SKIC3: variants seen among roughly 807,000 people sequenced by gnomAD.
SKIC3 encodes SKI3 subunit of superkiller complex, also known as superkiller complex protein 3.
the SKIC3 span, among the ~76,000 whole-genome samples, chr5:95,497,114 T>C: frequency 4.6e-5 from 7 of 152,230 alleles, no homozygotes; most frequent in Non-Finnish European, 8.8e-5. Flanking sequence ...AGTGTTACAT[T>C]ACTTTATCAC....
the SKIC3 span, chr5:95,541,718 T>C: frequency 1.2e-6 from 1 of 848,306 alleles, no homozygotes; most frequent in Non-Finnish European, 1.8e-6. Context: ...AGCTTCGCAA[T>C]TCCCAGTAAA....
the SKIC3 span, among the ~76,000 whole-genome samples, chr5:95,501,164 G>A: frequency 1.3e-5 from 2 of 151,872 alleles, no homozygotes; most frequent in Non-Finnish European, 2.9e-5. Flanking sequence ...ACAAAAAAAA[G>A]GAATTCTACT....
the SKIC3 span, among the ~76,000 whole-genome samples, chr5:95,539,438 T>TA: frequency 1.3e-5 from 2 of 151,582 alleles, no homozygotes; most frequent in Admixed American, 6.6e-5. Flanking sequence ...AATCAAAAAA[T>TA]AAAAAAAATA....
the SKIC3 span, among the ~76,000 whole-genome samples, chr5:95,506,259 C>T: frequency 9.8e-5 from 15 of 152,300 alleles, no homozygotes; most frequent in African/African-American, 3.6e-4. Flanking sequence ...TACCTAAGGT[C>T]TGCCAGGTAG....
chr5:95,511,386 C>T, the SKIC3 span, among the ~76,000 whole-genome samples: 1 of 152,196 alleles, frequency 6.6e-6, no homozygotes, highest in African/African-American at 2.4e-5. Flanking sequence ...GCACTCTAGC[C>T]TGGGTGACAG....
the SKIC3 span, chr5:95,514,877 T>G: frequency 6.2e-7 from 1 of 1,612,420 alleles, no homozygotes; most frequent in Non-Finnish European, 8.5e-7. Context: ...GCACATTAAA[T>G]AAGATGGATC....
the SKIC3 span, among the ~76,000 whole-genome samples, chr5:95,505,815 C>CAA: frequency 1.8e-5 from 2 of 113,456 alleles, no homozygotes; most frequent in Non-Finnish European, 1.9e-5. Context: ...TCTGTCCCCC[C>CAA]AAAAAAAAAA....
At chr5:95,516,657 T>C in the SKIC3 span, 1 of 1,613,212 alleles carries the variant, frequency 6.2e-7, no homozygotes, top group Non-Finnish European at 8.5e-7. Flanking sequence ...TATTGAAGTG[T>C]TACTCAATTC....
chr5:95,479,572 T>C, the SKIC3 span, among the ~76,000 whole-genome samples: 24 of 152,158 alleles, frequency 1.6e-4, no homozygotes, highest in Non-Finnish European at 3.4e-4. Context: ...TTTATTATAA[T>C]ATAGTGTTAT....
chr5:95,529,825 CTTTT>C, the SKIC3 span, among the ~76,000 whole-genome samples: 3 of 111,848 alleles, frequency 2.7e-5, no homozygotes, highest in Admixed American at 1.1e-4. Context: ...TGCTTTCTTT[CTTTT>C]CTTTTTTCTC....
the SKIC3 span, chr5:95,541,677 A>G: frequency 1.4e-6 from 1 of 691,466 alleles, no homozygotes; most frequent in Non-Finnish European, 2.4e-6. Flanking sequence ...ATCACAAAAG[A>G]TTCTACGACA....
chr5:95,514,707 G>T, the SKIC3 span: 1 of 671,612 alleles, frequency 1.5e-6, no homozygotes, highest in Non-Finnish European at 2.6e-6. Context: ...TAGATTAACT[G>T]AAATAGTGTA....
the SKIC3 span, among the ~76,000 whole-genome samples, chr5:95,506,250 A>C: frequency 1.3e-5 from 2 of 152,216 alleles, no homozygotes; most frequent in African/African-American, 4.8e-5. Context: ...ATAACTGGCT[A>C]CCTAAGGTCT....
the SKIC3 span, chr5:95,523,868 A>G: frequency 6.3e-7 from 1 of 1,591,038 alleles, no homozygotes; most frequent in Non-Finnish European, 8.6e-7. Context: ...ACAGAACATT[A>G]AAAGTTCATT....
the SKIC3 span, among the ~76,000 whole-genome samples, chr5:95,489,406 G>C: frequency 1.4e-3 from 213 of 151,782 alleles, no homozygotes; most frequent in South Asian, 4.2e-3. Flanking sequence ...ACAATAATTA[G>C]GATTGTTTTA....
chr5:95,494,725 A>AT, the SKIC3 span: 1 of 1,613,686 alleles, frequency 6.2e-7, no homozygotes, highest in Non-Finnish European at 8.5e-7. Context: ...TTAGTGCAGT[A>AT]TTTTTTTCAT....
At chr5:95,541,388 C>CAAA in the SKIC3 span, 3 of 1,612,878 alleles carry the variant, frequency 1.9e-6, no homozygotes, top group Admixed American at 3.3e-5. Flanking sequence ...ACACTTAGAA[C>CAAA]AAAACAAAAC....
the SKIC3 span, chr5:95,514,835 C>A: frequency 6.2e-7 from 1 of 1,608,816 alleles, no homozygotes; most frequent in Admixed American, 1.7e-5. Flanking sequence ...TTATTAGTAA[C>A]TATATGTTAT....
chr5:95,544,027 C>T, the SKIC3 span, among the ~76,000 whole-genome samples: 1 of 152,146 alleles, frequency 6.6e-6, no homozygotes, highest in Admixed American at 6.5e-5. Context: ...TTACATTATT[C>T]CAGAGAAAAT....
Sources: gnomAD v4.1 joint callset for allele counts (sites outside exome capture counted in the v4.1 genomes callset) on GRCh38, gnomAD v4.1.1 for gene constraint, MANE v1.5 for transcripts, NCBI Gene and HGNC (gene_info 2026-07-23, HGNC 2026-07-21) for gene names.